The following CLSTN2 variants were observed in gnomAD, a reference collection of about 807,000 sequenced individuals.
The protein encoded by CLSTN2 is calsyntenin-2.
Under a neutral mutation model 101.2 loss-of-function variants are expected in CLSTN2, and 48 were observed. The ratio of observed to expected loss-of-function variants is 0.47; its 90% CI spans 0.38 to 0.60. The LOEUF is 0.60. Among genes scored for constraint, CLSTN2 ranks in the 20% least tolerant of loss-of-function variants. The probability of loss-of-function intolerance (pLI) is 0.00; values close to 1 mark genes in which losing one functional copy is unlikely to be tolerated. For missense variants in CLSTN2, 1,160 were observed against 1,238.2 expected (o/e 0.94, Z 0.95); for synonymous variants, 481 against 463.6 (o/e 1.04, Z -0.48).
chr3:140,349,837 C>A (rs1286351046), intron 2 of CLSTN2, among the ~76,000 whole-genome samples: 1 of 152,168 alleles, frequency 6.6e-6, no homozygotes, highest in African/African-American at 2.4e-5. Flanking sequence ...GGAGTGAGCA[C>A]CCACCCACCT....
At chr3:140,241,882 C>T (rs1318452496) in intron 2 of CLSTN2, among the ~76,000 whole-genome samples, 1 of 145,836 alleles carries the variant, frequency 6.9e-6, no homozygotes, top group African/African-American at 2.6e-5. Context: ...TATATATATA[C>T]ACACACACAC....
chr3:140,486,411 G>A (rs58645003), intron 8 of CLSTN2, among the ~76,000 whole-genome samples: 3,469 of 152,138 alleles, frequency 0.023, 134 homozygotes, highest in African/African-American at 0.079. Context: ...TGTATTTAAG[G>A]GCAAAGGAAC....
intron 2 of CLSTN2, among the ~76,000 whole-genome samples, chr3:140,256,538 G>A (rs2086605684): frequency 6.6e-6 from 1 of 152,086 alleles, no homozygotes; most frequent in Non-Finnish European, 1.5e-5. Flanking sequence ...CACAGAGTAG[G>A]GCCTCAAAAA....
chr3:140,324,668 C>T (rs1310479739), intron 2 of CLSTN2, among the ~76,000 whole-genome samples: 1 of 152,172 alleles, frequency 6.6e-6, no homozygotes, highest in Non-Finnish European at 1.5e-5. Context: ...TGGTGCTTAG[C>T]CTGATTGCAG....
At chr3:140,237,291 C>T (rs956836149) in intron 2 of CLSTN2, among the ~76,000 whole-genome samples, 1 of 152,098 alleles carries the variant, frequency 6.6e-6, no homozygotes, top group East Asian at 1.9e-4. Context: ...CTCCATGTGT[C>T]GTACATTACA....
At position 140,167,092 on chromosome 3, in the gene CLSTN2, G is replaced by A. The variant is rs557450938; in HGVS notation, c.110-8859G>A. 2.3e-4 allele frequency among the ~76,000 whole-genome samples: 35 copies of A among 152,318 alleles called. 1 individual carries two copies. In the South Asian group the frequency reaches 6.8e-3, roughly 30 times the overall value. ...ACAGCCACTACTTCTTTCTGGAAAGGAGATGGTTCTCCAGCATCCCATGAA... is the reference window on the plus strand; with the variant it reads ...ACAGCCACTACTTCTTTCTGGAAAGAAGATGGTTCTCCAGCATCCCATGAA... On this transcript the variant is annotated intron_variant, in intron 1 of 16. Coordinates refer to ENST00000458420, the MANE Select transcript of CLSTN2 (RefSeq NM_022131.3).
At chr3:140,424,132 AT>A (rs2107993152) in intron 5 of CLSTN2, among the ~76,000 whole-genome samples, 1 of 152,254 alleles carries the variant, frequency 6.6e-6, no homozygotes, top group Admixed American at 6.5e-5. Flanking sequence ...TGAGTTCTTC[AT>A]CCTTAATTTT....
chr3:140,381,040 A>C (rs2087976835), intron 2 of CLSTN2, among the ~76,000 whole-genome samples: 1 of 152,168 alleles, frequency 6.6e-6, no homozygotes, highest in African/African-American at 2.4e-5. Context: ...TGAAGGCTAG[A>C]AGTCTGAAAT....
intron 1 of CLSTN2, among the ~76,000 whole-genome samples, chr3:140,068,081 A>G (rs1353557399): frequency 6.6e-6 from 1 of 152,210 alleles, no homozygotes; most frequent in Non-Finnish European, 1.5e-5. Context: ...ACTCCTTGGA[A>G]GATGGTTTAA....
Position 140,568,524 on chromosome 3 carries a change from C to G in CLSTN2, c.*2271C>G, listed in dbSNP as rs919046023. The G allele has an allele frequency of 1.3e-5, 2 of 152,134 alleles. No individual in the cohort carries two copies. Among genetic ancestry groups the G allele is most frequent in the African/African-American group, 4.8e-5 (2 of 41,426 alleles). The allele number at this position is 152,134 out of a possible 1,614,324, so 9.4% of individuals were successfully genotyped here. ...GTCTGTACATCCACAAGAGGAAAGT[C>G]TATAGGACTGATTAGTTTTCACAAT... On this transcript the variant is annotated 3_prime_UTR_variant, in exon 17 of 17. Coordinates refer to ENST00000458420, the MANE Select transcript of CLSTN2 (RefSeq NM_022131.3).
chr3:140,092,508 G>A lies in CLSTN2; in HGVS notation c.110-83443G>A, dbSNP rs1053784005. On this transcript the variant is annotated intron_variant, in intron 1 of 16. Transcript: ENST00000458420. ...GGCAATTAAGTGTTAGAGAGGCTTA[G>A]GGTCTTGCTAAGGTTGCAGAGCTGG... is the stretch of plus-strand genomic sequence containing the variant. Among the ~76,000 whole-genome samples the A allele has an allele frequency of 5.9e-5, 9 of 152,334 alleles. No homozygotes were observed. In the South Asian group the frequency reaches 1.5e-3, roughly 25 times the overall value.
chr3:140,399,130 C>A (rs1040290822), intron 2 of CLSTN2, among the ~76,000 whole-genome samples: 1 of 152,232 alleles, frequency 6.6e-6, no homozygotes, highest in South Asian at 2.1e-4. Flanking sequence ...GTGTGTTGTC[C>A]ACACACAATT....
intron 10 of CLSTN2, among the ~76,000 whole-genome samples, chr3:140,555,350 T>C (rs1935772942): frequency 6.6e-6 from 1 of 152,160 alleles, no homozygotes; most frequent in African/African-American, 2.4e-5. Flanking sequence ...CTATTAACAA[T>C]AGGGCAAACA....
At chr3:140,214,285 CA>C (rs554867924) in intron 2 of CLSTN2, among the ~76,000 whole-genome samples, 1 of 151,506 alleles carries the variant, frequency 6.6e-6, no homozygotes, top group Non-Finnish European at 1.5e-5. Context: ...ACTGAAAATA[CA>C]AAAAAAATAG....
intron 2 of CLSTN2, among the ~76,000 whole-genome samples, chr3:140,356,771 A>AG (rs1223796489): frequency 1.3e-5 from 2 of 151,668 alleles, no homozygotes; most frequent in Admixed American, 6.6e-5. Flanking sequence ...AAAAAAAAAA[A>AG]AAAAGAAAGA....
intron 1 of CLSTN2, among the ~76,000 whole-genome samples, chr3:140,168,240 C>A (rs2107823888): frequency 6.6e-6 from 1 of 151,882 alleles, no homozygotes; most frequent in South Asian, 2.1e-4. Context: ...GTGGTGATAT[C>A]CCATTGTGGC....
intron 1 of CLSTN2, among the ~76,000 whole-genome samples, chr3:140,160,830 G>A (rs923540762): frequency 5.9e-5 from 9 of 152,058 alleles, no homozygotes; most frequent in Admixed American, 1.3e-4. Flanking sequence ...ACCCAGGAAC[G>A]CTTGGTGGGG....
chr3:140,554,069 G>A (rs1455005484), intron 10 of CLSTN2, among the ~76,000 whole-genome samples: 2 of 152,090 alleles, frequency 1.3e-5, no homozygotes, highest in Non-Finnish European at 2.9e-5. Context: ...CTGTGCTCAG[G>A]GGCTACTGGC....
chr3:139,957,022 T>C lies in CLSTN2; in HGVS notation c.109+21539T>C, dbSNP rs373710011. 1.7e-3 allele frequency among the ~76,000 whole-genome samples: 256 copies of C among 152,290 alleles called. 3 individuals carry two copies. Among genetic ancestry groups the C allele is most frequent in the African/African-American group, 5.9e-3 (245 of 41,554 alleles). On this transcript the variant is annotated intron_variant, in intron 1 of 16. Coordinates refer to ENST00000458420, the MANE Select transcript of CLSTN2 (RefSeq NM_022131.3). Reference sequence around the variant, plus strand: ...AGACAGGTTTTTTGCCCTCAGACAATTTAAGTTTTGATGCAGAAACTAGCA... The same window carrying C: ...AGACAGGTTTTTTGCCCTCAGACAACTTAAGTTTTGATGCAGAAACTAGCA...
Sources: gnomAD v4.1 joint callset for allele counts (sites outside exome capture counted in the v4.1 genomes callset) on GRCh38, gnomAD v4.1.1 for gene constraint, MANE v1.5 for transcripts, NCBI Gene and HGNC (gene_info 2026-07-23, HGNC 2026-07-21) for gene names.